Variants in AK5 observed in about 807,000 individuals in gnomAD.
AK5 encodes adenylate kinase isoenzyme 5.
Under a neutral mutation model 69.5 loss-of-function variants are expected in AK5, and 27 were observed. That is an observed-to-expected ratio of 0.39 (90% CI 0.29 to 0.54). The LOEUF (loss-of-function observed/expected upper bound fraction) is 0.54, where lower values mean the gene tolerates loss of function less well. Ranked by LOEUF, AK5 falls within the 20% of genes least tolerant of loss-of-function variation. The pLI is 0.71. For synonymous variants in AK5, 260 were observed against 244.4 expected (o/e 1.06, Z -0.60); for missense variants, 531 against 700.4 (o/e 0.76, Z 2.73).
intron 6 of AK5, among the ~76,000 whole-genome samples, chr1:77,386,888 C>T (rs773055338): frequency 1.3e-4 from 20 of 152,082 alleles, no homozygotes; most frequent in Non-Finnish European, 2.5e-4. Flanking sequence ...TTTTTCACTT[C>T]CTACCTCTAT....
chr1:77,367,573 A>ATG (rs1432498300), intron 6 of AK5, among the ~76,000 whole-genome samples: 236 of 10,716 alleles, frequency 0.022, 22 homozygotes, highest in African/African-American at 0.054. Flanking sequence ...ATATATATAT[A>ATG]TATATAATAT....
chr1:77,507,586 G>A (rs1657099451), intron 10 of AK5, among the ~76,000 whole-genome samples: 1 of 152,196 alleles, frequency 6.6e-6, no homozygotes, highest in South Asian at 2.1e-4. Flanking sequence ...CCAGCTTTAT[G>A]CTGAGAAAAC....
At chr1:77,411,692 T>G (rs1650056361) in intron 7 of AK5, among the ~76,000 whole-genome samples, 2 of 152,180 alleles carry the variant, frequency 1.3e-5, no homozygotes, top group African/African-American at 4.8e-5. Context: ...TGTGGATGAC[T>G]CTCCAATCTT....
At chr1:77,531,878 G>A (rs566103430) in intron 12 of AK5, among the ~76,000 whole-genome samples, 3 of 152,030 alleles carry the variant, frequency 2.0e-5, no homozygotes, top group East Asian at 2.0e-4. Context: ...CAGGCATGGC[G>A]GGGGCTGCAG....
intron 8 of AK5, among the ~76,000 whole-genome samples, chr1:77,463,727 CTTA>C (rs1653978001): frequency 6.6e-6 from 1 of 152,062 alleles, no homozygotes; most frequent in Admixed American, 6.5e-5. Flanking sequence ...CTATTTTTCC[CTTA>C]TTATAGGCCT....
At chr1:77,291,771 A>C (rs1658702832) in intron 2 of AK5, among the ~76,000 whole-genome samples, 1 of 152,232 alleles carries the variant, frequency 6.6e-6, no homozygotes, top group Admixed American at 6.5e-5. Flanking sequence ...TGAAACTTAT[A>C]ATCCAATAGG....
chr1:77,327,547 AC>A (rs1190076208), intron 5 of AK5, among the ~76,000 whole-genome samples: 1 of 152,202 alleles, frequency 6.6e-6, no homozygotes, highest in Non-Finnish European at 1.5e-5. Flanking sequence ...CTTAATAGAC[AC>A]TGTTTGCAGT....
intron 12 of AK5, among the ~76,000 whole-genome samples, chr1:77,525,247 G>T (rs1322662484): frequency 2.0e-5 from 3 of 152,188 alleles, no homozygotes; most frequent in Non-Finnish European, 4.4e-5. Context: ...TATGGTGTCA[G>T]ATTATTTTGC....
intron 6 of AK5, among the ~76,000 whole-genome samples, chr1:77,388,611 T>C (rs1387986681): frequency 6.6e-6 from 1 of 152,076 alleles, no homozygotes; most frequent in East Asian, 1.9e-4. Flanking sequence ...GCATTCCTCA[T>C]GTATGGGAAA....
chr1:77,308,818 A>AGGAGGATGGAGGAT (rs1557483546), intron 5 of AK5, among the ~76,000 whole-genome samples: 3 of 152,042 alleles, frequency 2.0e-5, no homozygotes, highest in African/African-American at 7.3e-5. Flanking sequence ...AAAATACAAA[A>AGGAGGATGGAGGAT]ATTAGCTGGG....
intron 8 of AK5, among the ~76,000 whole-genome samples, chr1:77,421,516 G>A (rs1650812855): frequency 6.6e-6 from 1 of 152,182 alleles, no homozygotes; most frequent in Admixed American, 6.5e-5. Flanking sequence ...TGGATGGGAA[G>A]GAGAAGAACT....
chr1:77,339,765 A>T (rs1661555767), intron 5 of AK5, among the ~76,000 whole-genome samples: 1 of 149,990 alleles, frequency 6.7e-6, no homozygotes, highest in South Asian at 2.1e-4. Context: ...CTTGCCTTAG[A>T]CTCCTGAGTA....
chr1:77,345,718 C>T (rs1177165284), intron 6 of AK5, among the ~76,000 whole-genome samples: 1 of 152,160 alleles, frequency 6.6e-6, no homozygotes, highest in East Asian at 1.9e-4. Flanking sequence ...CCAGATAACC[C>T]CATTCACACT....
At chr1:77,297,989 T>C in intron 5 of AK5, 42 bp downstream of exon 5, 1 of 1,461,426 alleles carries the variant, frequency 6.8e-7, no homozygotes, top group African/African-American at 1.4e-5. Context: ...TACTTTTTGC[T>C]TAAAATTTTG....
intron 5 of AK5, among the ~76,000 whole-genome samples, chr1:77,325,350 G>A (rs1172381739): frequency 2.6e-5 from 4 of 151,972 alleles, no homozygotes; most frequent in African/African-American, 7.3e-5. Flanking sequence ...TCTGGTAGTA[G>A]TAGAATAAAA....
intron 8 of AK5, among the ~76,000 whole-genome samples, chr1:77,449,839 A>G (rs926800028): frequency 6.6e-6 from 1 of 152,102 alleles, no homozygotes; most frequent in African/African-American, 2.4e-5. Flanking sequence ...ACTTACGCAA[A>G]TTTCTGCAGC....
intron 8 of AK5, among the ~76,000 whole-genome samples, chr1:77,444,273 AT>A (rs1652547030): frequency 1.6e-5 from 1 of 60,916 alleles, no homozygotes; most frequent in African/African-American, 5.9e-5. Context: ...TATATAGTAT[AT>A]ATACACAACA....
chr1:77,348,885 T>A (rs1261116617), intron 6 of AK5, among the ~76,000 whole-genome samples: 1 of 152,220 alleles, frequency 6.6e-6, no homozygotes, highest in Non-Finnish European at 1.5e-5. Context: ...TCATTTGAAA[T>A]GTTTTACTAA....
intron 8 of AK5, among the ~76,000 whole-genome samples, chr1:77,438,304 A>C (rs868634395): frequency 2.1e-5 from 3 of 141,988 alleles, no homozygotes; most frequent in Middle Eastern, 7.0e-3. Flanking sequence ...CAAAAAAAAA[A>C]AAAAAAAAAA....
Sources: gnomAD v4.1 joint callset for allele counts (sites outside exome capture counted in the v4.1 genomes callset) on GRCh38, gnomAD v4.1.1 for gene constraint, MANE v1.5 for transcripts, NCBI Gene and HGNC (gene_info 2026-07-23, HGNC 2026-07-21) for gene names.